OR4K17: variants seen among roughly 807,000 people sequenced by gnomAD.
OR4K17 encodes the protein olfactory receptor family 4 subfamily K member 17.
For synonymous variants in OR4K17, 157 were observed against 132.8 expected (o/e 1.18, Z -1.25); for missense variants, 480 against 366.3 (o/e 1.31, Z -2.53).
chr14:20,119,671 C>G lies in OR4K17; in HGVS notation c.*1233C>G, dbSNP rs930363224. ...TGGCCAACATGGCGAAACCCTGCCT[C>G]TACCAAAAATACAAAAATTAGCCAG... On this transcript the variant is annotated 3_prime_UTR_variant, in exon 2 of 2. Coordinates refer to ENST00000641386, the MANE Select transcript of OR4K17 (RefSeq NM_001004715.5). 1 of 152,106 alleles carries G rather than the reference C, an allele frequency of 6.6e-6. No homozygotes were observed. Among genetic ancestry groups the G allele is most frequent in the South Asian group, 2.1e-4 (1 of 4,826 alleles). 9.4% of individuals were successfully genotyped at this position (152,106 alleles called of 1,614,324 possible). A position where few individuals can be genotyped will look rare whatever the true frequency, so the allele number is the denominator to read the frequency against.
rs1268086344 is a variant in OR4K17, at chr14:20,121,668, A to C, written c.*3230A>C. 2 of 152,058 alleles carry C rather than the reference A, an allele frequency of 1.3e-5. No homozygotes were observed. The highest frequency in any genetic ancestry group is 2.9e-5 in the Non-Finnish European group (2 of 67,974). 9.4% of individuals were successfully genotyped at this position (152,058 alleles called of 1,614,324 possible). On this transcript the variant is annotated 3_prime_UTR_variant, in exon 2 of 2. Transcript: ENST00000641386. The stretch of plus-strand genomic sequence containing the variant: ...TAAAAAATCAAAGCATATGCTGGAG[A>C]AAATAAACTATGAATAAATGAAGAC...
intron 1 of OR4K17, among the ~76,000 whole-genome samples, chr14:20,112,648 C>A (rs1445227680): frequency 6.6e-6 from 1 of 152,046 alleles, no homozygotes; most frequent in Admixed American, 6.6e-5. Flanking sequence ...TCAAAGAAGA[C>A]CAGAGCACCA....
chr14:20,117,456 TTC>T lies in OR4K17; in HGVS notation c.-32-6_-32-5del. The stretch of plus-strand genomic sequence containing the variant: ...CTCCATGGTATGAGTGATCTTTTCT[TTC>T]TCTCTACAGGTCATCCAAGAGCGAG... On this transcript the variant is annotated splice_polypyrimidine_tract_variant and intron_variant, in intron 1 of 1. Transcript: ENST00000641386. 1 of 1,611,700 alleles carries T rather than the reference TTC, an allele frequency of 6.2e-7. No homozygotes were observed. Among genetic ancestry groups the T allele is most frequent in the African/African-American group, 1.3e-5 (1 of 74,782 alleles).
chr14:20,120,552 C>T lies in OR4K17; in HGVS notation c.*2114C>T. 6.6e-6 allele frequency: 1 copy of T among 152,354 alleles called. No individual in the cohort carries two copies. The highest frequency in any genetic ancestry group is 1.9e-4 in the East Asian group (1 of 5,182). The allele number at this position is 152,354 out of a possible 1,614,324, so 9.4% of individuals were successfully genotyped here. A position where few individuals can be genotyped will look rare whatever the true frequency, so the allele number is the denominator to read the frequency against. On this transcript the variant is annotated 3_prime_UTR_variant, in exon 2 of 2. Coordinates refer to ENST00000641386, the MANE Select transcript of OR4K17 (RefSeq NM_001004715.5). Reference sequence around the variant, plus strand: ...GCCACCATAGAGAATTAGTTTCTACCTCAAACTCAGAGCCACTGCAACTCT... The same window carrying T: ...GCCACCATAGAGAATTAGTTTCTACTTCAAACTCAGAGCCACTGCAACTCT...
chr14:20,117,490 G>A lies in OR4K17; in HGVS notation c.-10G>A. The A allele has an allele frequency of 6.2e-7, 1 of 1,613,584 alleles. No individual in the cohort carries two copies. ...CAGGTCATCCAAGAGCGAGCTGTAG[G>A]ATGGAGGCCATGAAACTATTAAATC... On this transcript the variant is annotated 5_prime_UTR_variant, in exon 2 of 2. Transcript: ENST00000641386.
Position 20,120,893 on chromosome 14 carries a change from A to T in OR4K17, c.*2455A>T, listed in dbSNP as rs933183312. The T allele has an allele frequency of 6.6e-6, 1 of 152,304 alleles. No individual in the cohort carries two copies. The highest frequency in any genetic ancestry group is 6.5e-5 in the Admixed American group (1 of 15,276). The allele number at this position is 152,304 out of a possible 1,614,324, so 9.4% of individuals were successfully genotyped here. A position where few individuals can be genotyped will look rare whatever the true frequency, so the allele number is the denominator to read the frequency against. ...GAGAAAAAGAGATAGAAAGGACTTT[A>T]GCAGCCCTAGCCACCAAAGACCACA... On this transcript the variant is annotated 3_prime_UTR_variant, in exon 2 of 2. Coordinates refer to ENST00000641386, the MANE Select transcript of OR4K17 (RefSeq NM_001004715.5).
At chr14:20,113,885 A>G (rs1877932406) in intron 1 of OR4K17, among the ~76,000 whole-genome samples, 1 of 151,982 alleles carries the variant, frequency 6.6e-6, no homozygotes. Context: ...CAGATAGAGA[A>G]TTTTCTCTAT....
rs1414770545 is a variant in OR4K17, at chr14:20,118,116, T to C, written c.617T>C (p.Ile206Thr). ...GTCATTGTTGCCAACAGTGGCATAATCTCCCTGAGCTGTTTCATTATTTTG... is the reference window on the plus strand; with the variant it reads ...GTCATTGTTGCCAACAGTGGCATAACCTCCCTGAGCTGTTTCATTATTTTG... Reference protein sequence around the residue: ...QVVIVANSGIISLSCFIILLI... With the variant: ...QVVIVANSGITSLSCFIILLI... The change falls in exon 2 of 2, where the codon ATC (isoleucine) becomes ACC (threonine). Residue 206 changes from isoleucine (I) to threonine (T), a missense_variant. Physicochemically the swap from Ile to Thr is moderately conservative, Grantham distance 89. Coordinates refer to ENST00000641386, the MANE Select transcript of OR4K17 (RefSeq NM_001004715.5). 1 of 1,614,066 alleles carries C rather than the reference T, an allele frequency of 6.2e-7. No individual in the cohort carries two copies.
chr14:20,113,093 T>C (rs1348016553), intron 1 of OR4K17, among the ~76,000 whole-genome samples: 3 of 151,784 alleles, frequency 2.0e-5, no homozygotes, highest in Admixed American at 2.0e-4. Flanking sequence ...AACTTGTGAG[T>C]AAGGAGGAAT....
rs2139058442 is a variant in OR4K17, at chr14:20,118,991, C to A, written c.*553C>A. 1 of 152,648 alleles carries A rather than the reference C, an allele frequency of 6.6e-6. No homozygotes were observed. Among genetic ancestry groups the A allele is most frequent in the East Asian group, 1.9e-4 (1 of 5,196 alleles). The allele number at this position is 152,648 out of a possible 1,614,324, so 9.5% of individuals were successfully genotyped here. A position where few individuals can be genotyped will look rare whatever the true frequency, so the allele number is the denominator to read the frequency against. ...CACTACAGGAGACTGGGGCTTATTT[C>A]ATCCCTTATCTACAGCCGTGTAAGA... On this transcript the variant is annotated 3_prime_UTR_variant, in exon 2 of 2. Coordinates refer to ENST00000641386, the MANE Select transcript of OR4K17 (RefSeq NM_001004715.5).
Position 20,117,965 on chromosome 14 carries a change from T to C in OR4K17, c.466T>C (p.Ser156Pro). 1 of 1,614,148 alleles carries C rather than the reference T, an allele frequency of 6.2e-7. No homozygotes were observed. The highest frequency in any genetic ancestry group is 1.1e-5 in the South Asian group (1 of 91,070). ...CTCATGGCTCTTGGGTCTCCTTCAC[T>C]CAGGGTTTCAGATACCATTTGCTGT... ...VTSWLLGLLH[S>P]GFQIPFAVNL... The change falls in exon 2 of 2, where the codon TCA becomes CCA. Residue 156 changes from serine (S) to proline (P), a missense_variant. Transcript: ENST00000641386.
chr14:20,116,943 C>T (rs1878006680), intron 1 of OR4K17, among the ~76,000 whole-genome samples: 1 of 152,276 alleles, frequency 6.6e-6, no homozygotes, highest in African/African-American at 2.4e-5. Flanking sequence ...TACTTGCAAC[C>T]TCGCTAACTC....
chr14:20,119,240 G>A lies in OR4K17; in HGVS notation c.*802G>A, dbSNP rs1878100581. 6.6e-6 allele frequency: 1 copy of A among 152,088 alleles called. No homozygotes were observed. Among genetic ancestry groups the A allele is most frequent in the African/African-American group, 2.4e-5 (1 of 41,424 alleles). 9.4% of individuals were successfully genotyped at this position (152,088 alleles called of 1,614,324 possible). A position where few individuals can be genotyped will look rare whatever the true frequency, so the allele number is the denominator to read the frequency against. ...TGTTATCCTGTTCTTTTTTCAAAGT[G>A]CCCAGATTTCATATTGTTTAAACAC... On this transcript the variant is annotated 3_prime_UTR_variant, in exon 2 of 2. Transcript: ENST00000641386.
chr14:20,118,465 G>T lies in OR4K17; in HGVS notation c.*27G>T. On this transcript the variant is annotated 3_prime_UTR_variant, in exon 2 of 2. Transcript: ENST00000641386. Reference sequence around the variant, plus strand: ...TTAAAAATATAATGGTAGAGGCCGGGCATGGTGGCTGATGCCTGTAATCCC... The same window carrying T: ...TTAAAAATATAATGGTAGAGGCCGGTCATGGTGGCTGATGCCTGTAATCCC... 7.1e-7 allele frequency: 1 copy of T among 1,401,230 alleles called. No individual in the cohort carries two copies. Among genetic ancestry groups the T allele is most frequent in the Non-Finnish European group, 9.8e-7 (1 of 1,019,666 alleles). The allele number at this position is 1,401,230 out of a possible 1,614,324, so 86.8% of individuals were successfully genotyped here. A position where few individuals can be genotyped will look rare whatever the true frequency, so the allele number is the denominator to read the frequency against.
intron 1 of OR4K17, 61 bp from the exon 2 acceptor site, chr14:20,117,407 A>G (rs1228754361): frequency 1.4e-5 from 22 of 1,574,534 alleles, no homozygotes; most frequent in Non-Finnish European, 1.9e-5. Context: ...GGTTTTTCAT[A>G]TGGCTCTTTA....
rs201732671 is a variant in OR4K17 at position 20,117,654 on chromosome 14, C to T, written c.155C>T (p.Thr52Ile). ...NLLIIVTVFN[T>I]PNLNTPMYFL... Reference sequence around the variant, plus strand: ...CTTATTATAGTCACAGTGTTTAACACCCCTAACCTGAATACTCCCATGTAT... The same window carrying T: ...CTTATTATAGTCACAGTGTTTAACATCCCTAACCTGAATACTCCCATGTAT... Residue 52 changes from threonine (T) to isoleucine (I), a missense_variant, in exon 2 of 2, where the codon ACC (threonine) becomes ATC (isoleucine). Transcript: ENST00000641386. The T allele has an allele frequency of 1.2e-6, 2 of 1,613,894 alleles. No homozygotes were observed. Among genetic ancestry groups the T allele is most frequent in the South Asian group, 1.1e-5 (1 of 91,070 alleles).
In OR4K17 at chr14:20,121,770, G is replaced by A. The variant is rs1446102603; in HGVS notation, c.*3332G>A. On this transcript the variant is annotated 3_prime_UTR_variant, in exon 2 of 2. Transcript: ENST00000641386. ...ATAACCAGAAAACAATTAATAAAAT[G>A]GAGGTACTAAGCACAGTCAGTTTTC... The A allele has an allele frequency of 6.6e-6, 1 of 152,066 alleles. No homozygotes were observed. The highest frequency in any genetic ancestry group is 2.1e-4 in the South Asian group (1 of 4,824). 9.4% of individuals were successfully genotyped at this position (152,066 alleles called of 1,614,324 possible).
intron 1 of OR4K17, among the ~76,000 whole-genome samples, chr14:20,112,786 G>A (rs888298121): frequency 4.6e-5 from 7 of 151,996 alleles, no homozygotes; most frequent in African/African-American, 7.2e-5. Flanking sequence ...TATAAAAATC[G>A]AGAGGCAAAA....
At position 20,115,009 on chromosome 14, in the gene OR4K17, C is replaced by T. The variant is rs181497620; in HGVS notation, c.-32-2459C>T. The stretch of plus-strand genomic sequence containing the variant: ...CTTAAACAAGAACTTCTGAGGCCCT[C>T]ATCTTGTAATTACTATAGCCAAACC... On this transcript the variant is annotated intron_variant, in intron 1 of 1. Coordinates refer to ENST00000641386, the MANE Select transcript of OR4K17 (RefSeq NM_001004715.5). Among the ~76,000 whole-genome samples, 342 of 152,182 alleles carry T rather than the reference C, an allele frequency of 2.2e-3. 2 individuals are homozygous for T. Among genetic ancestry groups the T allele is most frequent in the African/African-American group, 8.1e-3 (335 of 41,554 alleles).
Sources: allele counts gnomAD v4.1 joint callset (sites outside exome capture counted in the v4.1 genomes callset), GRCh38; gene constraint gnomAD v4.1.1; transcripts MANE v1.5; gene names NCBI Gene and HGNC (gene_info 2026-07-23, HGNC 2026-07-21).